The following ELMO1 variants were observed in gnomAD, a reference collection of about 807,000 sequenced individuals.
ELMO1 encodes engulfment and cell motility 1, also known as engulfment and cell motility protein 1.
ELMO1 carries 26 observed loss-of-function variants against 98.9 expected under a neutral mutation model. That is an observed-to-expected ratio of 0.26 (90% CI 0.19 to 0.36). ELMO1 has a LOEUF of 0.36. Among genes scored for constraint, ELMO1 ranks in the 10% least tolerant of loss-of-function variants. ELMO1 has a pLI of 1.00. For missense variants in ELMO1, 627 were observed against 935.2 expected, an observed-to-expected ratio of 0.67 and a Z score of 4.30; for synonymous variants, 346 against 346.0, an observed-to-expected ratio of 1.00 and a Z score of 0.00.
chr7:36,974,469 ACT>A (rs1790319691), intron 16 of ELMO1, among the ~76,000 whole-genome samples: 1 of 151,882 alleles, frequency 6.6e-6, no homozygotes, highest in Non-Finnish European at 1.5e-5. Context: ...ACCAATCGAC[ACT>A]CTGTATCTAG....
chr7:37,003,092 A>G (rs1792796452), intron 16 of ELMO1, among the ~76,000 whole-genome samples: 1 of 152,230 alleles, frequency 6.6e-6, no homozygotes, highest in Non-Finnish European at 1.5e-5. Context: ...TAACTTTACT[A>G]GAATAGGAAG....
At chr7:37,329,820 G>A (rs767397121) in intron 2 of ELMO1, among the ~76,000 whole-genome samples, 6 of 152,148 alleles carry the variant, frequency 3.9e-5, no homozygotes, top group Non-Finnish European at 5.9e-5. Context: ...TGTCAAATTA[G>A]TCTTCCCATA....
At chr7:37,217,863 G>C in intron 10 of ELMO1, 1 of 451,168 alleles carries the variant, frequency 2.2e-6, no homozygotes, top group Admixed American at 2.4e-5. Flanking sequence ...GAACGCCCCT[G>C]CTGACCCACT....
chr7:37,125,121 A>G (rs531487901), intron 14 of ELMO1, among the ~76,000 whole-genome samples: 3 of 152,264 alleles, frequency 2.0e-5, no homozygotes, highest in African/African-American at 7.2e-5. Context: ...CTTACACCTT[A>G]TACAAAAATT....
At chr7:37,133,064 T>C (rs1262512735) in intron 14 of ELMO1, 66 bp downstream of exon 14, 1 of 1,298,092 alleles carries the variant, frequency 7.7e-7, no homozygotes, top group African/African-American at 1.5e-5. Context: ...TCCCTCCGTA[T>C]TTGTGAGTTT....
chr7:37,012,955 C>G (rs148786284), intron 16 of ELMO1, among the ~76,000 whole-genome samples: 227 of 152,178 alleles, frequency 1.5e-3, no homozygotes, highest in African/African-American at 5.2e-3. Context: ...GCCCCTTCCC[C>G]GACAGATCTT....
chr7:37,250,801 A>AC (rs1795303883), intron 6 of ELMO1, among the ~76,000 whole-genome samples: 1 of 151,974 alleles, frequency 6.6e-6, no homozygotes, highest in Admixed American at 6.6e-5. Flanking sequence ...CAAAAAAAAA[A>AC]AAAAAAAAAA....
chr7:37,127,855 T>G lies in ELMO1; in HGVS notation c.1191+5275A>C, dbSNP rs573782292. On this transcript the variant is annotated intron_variant, in intron 14 of 21. Coordinates refer to ENST00000310758, the MANE Select transcript of ELMO1 (RefSeq NM_014800.11). ...TCAGCCAAGCTAAAACCAGGTAATT[T>G]GGGTTTTTCAGTAGTTCCCAGTGAA... Among the ~76,000 whole-genome samples, 37 of 152,226 alleles carry G rather than the reference T, an allele frequency of 2.4e-4. 1 individual carries two copies. The highest frequency in any genetic ancestry group is 2.0e-3 in the Admixed American group (31 of 15,284).
chr7:37,405,615 G>A (rs1220472526), intron 1 of ELMO1, among the ~76,000 whole-genome samples: 2 of 152,208 alleles, frequency 1.3e-5, no homozygotes, highest in Non-Finnish European at 2.9e-5. Context: ...GGACACTGAA[G>A]TCATGTGTGG....
At chr7:37,136,673 C>T (rs978726044) in intron 13 of ELMO1, among the ~76,000 whole-genome samples, 3 of 151,864 alleles carry the variant, frequency 2.0e-5, no homozygotes, top group African/African-American at 7.3e-5. Flanking sequence ...CAAACAAATG[C>T]TGAGAGAATT....
At chr7:37,178,862 T>C (rs939955964) in intron 13 of ELMO1, among the ~76,000 whole-genome samples, 24 of 152,046 alleles carry the variant, frequency 1.6e-4, no homozygotes, top group Admixed American at 1.2e-3. Flanking sequence ...ATCAAGGCCA[T>C]TAAAAATAAG....
chr7:37,122,143 A>C (rs543949268), intron 14 of ELMO1, among the ~76,000 whole-genome samples: 1 of 152,348 alleles, frequency 6.6e-6, no homozygotes, highest in African/African-American at 2.4e-5. Flanking sequence ...GAAGCACTAA[A>C]CATGGAAAGG....
chr7:36,926,075 G>A (rs1186774711), intron 16 of ELMO1, among the ~76,000 whole-genome samples: 1 of 152,124 alleles, frequency 6.6e-6, no homozygotes, highest in Non-Finnish European at 1.5e-5. Flanking sequence ...CCAGAACCCA[G>A]CTTGGCTACA....
intron 16 of ELMO1, among the ~76,000 whole-genome samples, chr7:36,934,012 C>T (rs1255704714): frequency 6.6e-6 from 1 of 152,182 alleles, no homozygotes; most frequent in African/African-American, 2.4e-5. Context: ...CTGATACAGG[C>T]TCTCCCAGCA....
intron 15 of ELMO1, among the ~76,000 whole-genome samples, chr7:37,086,327 T>C (rs1323544301): frequency 1.5e-5 from 2 of 136,280 alleles, no homozygotes; most frequent in African/African-American, 5.9e-5. Flanking sequence ...TAACAATACA[T>C]GACTGTGTGT....
At chr7:36,922,116 AG>A (rs1223082320) in intron 16 of ELMO1, among the ~76,000 whole-genome samples, 1 of 152,182 alleles carries the variant, frequency 6.6e-6, no homozygotes, top group East Asian at 1.9e-4. Context: ...TAAAATCAAT[AG>A]GTGGTCAGGT....
chr7:37,174,630 G>A (rs1224692689), intron 13 of ELMO1, among the ~76,000 whole-genome samples: 1 of 152,094 alleles, frequency 6.6e-6, no homozygotes. Flanking sequence ...AGATATCCAG[G>A]CATGCCCCAT....
chr7:37,212,430 A>T (rs1793027105), intron 12 of ELMO1, among the ~76,000 whole-genome samples: 1 of 152,188 alleles, frequency 6.6e-6, no homozygotes, highest in African/African-American at 2.4e-5. Flanking sequence ...ATAAATTTTT[A>T]AAAGGGTTTC....
intron 5 of ELMO1, among the ~76,000 whole-genome samples, chr7:37,260,129 C>T (rs1160344195): frequency 1.3e-5 from 2 of 152,166 alleles, no homozygotes; most frequent in African/African-American, 4.8e-5. Flanking sequence ...TTCATATCTA[C>T]CTTTCACTTG....
Sources: allele counts gnomAD v4.1 joint callset (sites outside exome capture counted in the v4.1 genomes callset), GRCh38; gene constraint gnomAD v4.1.1; transcripts MANE v1.5; gene names NCBI Gene and HGNC (gene_info 2026-07-23, HGNC 2026-07-21).